XYLT1: variants seen among roughly 807,000 people sequenced by gnomAD.
The protein encoded by XYLT1 is xylosyltransferase 1.
XYLT1 carries 36 observed loss-of-function variants against 91.3 expected under a neutral mutation model. The observed-to-expected ratio is 0.39, with a 90% CI of 0.30 to 0.52. XYLT1 has a LOEUF of 0.52. Ranked by LOEUF, XYLT1 falls within the 20% of genes least tolerant of loss-of-function variation. The pLI, the probability that XYLT1 is intolerant of heterozygous loss-of-function variation, is 0.68. For missense variants in XYLT1, 1,242 were observed against 1,284.5 expected (o/e 0.97, Z 0.51); for synonymous variants, 588 against 532.0 (o/e 1.11, Z -1.45).
chr16:17,294,704 A>ATCTG (rs1240404319), intron 2 of XYLT1, among the ~76,000 whole-genome samples: 1 of 152,124 alleles, frequency 6.6e-6, no homozygotes. Flanking sequence ...CCACCTAGGA[A>ATCTG]TCTGCAAGGG....
At chr16:17,297,746 G>A (rs1205374433) in intron 2 of XYLT1, among the ~76,000 whole-genome samples, 5 of 152,126 alleles carry the variant, frequency 3.3e-5, no homozygotes. Flanking sequence ...AAAAGGCCGG[G>A]CGCGGTGGCT....
intron 2 of XYLT1, among the ~76,000 whole-genome samples, chr16:17,342,183 C>T (rs924116356): frequency 6.6e-6 from 1 of 152,248 alleles, no homozygotes; most frequent in African/African-American, 2.4e-5. Flanking sequence ...ACACCAGGCT[C>T]TGCTGGCAAC....
intron 1 of XYLT1, among the ~76,000 whole-genome samples, chr16:17,428,718 G>A (rs540555858): frequency 1.3e-5 from 2 of 152,296 alleles, no homozygotes; most frequent in South Asian, 2.1e-4. Flanking sequence ...GCTTTCGGCC[G>A]TGTGGTAGTT....
In XYLT1 at chr16:17,454,881, G is replaced by A. The variant is rs561272156; in HGVS notation, c.363+15553C>T. ...TTTGAATTTCATATAATTTTCACGCGTCACAAAATATCATTCTTTCCTCCC... is the reference window on the plus strand; with the variant it reads ...TTTGAATTTCATATAATTTTCACGCATCACAAAATATCATTCTTTCCTCCC... On this transcript the variant is annotated intron_variant, in intron 1 of 11. Coordinates refer to ENST00000261381, the MANE Select transcript of XYLT1 (RefSeq NM_022166.4). Among the ~76,000 whole-genome samples, 70 of 133,996 alleles carry A rather than the reference G, an allele frequency of 5.2e-4. 1 individual carries two copies. Among genetic ancestry groups the A allele is most frequent in the African/African-American group, 2.1e-3 (67 of 32,524 alleles). The allele number at this position is 133,996 out of a possible 152,430, so 87.9% of individuals were successfully genotyped here.
intron 1 of XYLT1, among the ~76,000 whole-genome samples, chr16:17,428,983 A>T (rs1279456781): frequency 6.6e-6 from 1 of 152,090 alleles, no homozygotes; most frequent in Non-Finnish European, 1.5e-5. Context: ...TTCCACAGGG[A>T]CCTGTGGCCT....
At chr16:17,357,979 G>A (rs541242523) in intron 2 of XYLT1, 33 bp downstream of exon 2, 1 of 1,610,922 alleles carries the variant, frequency 6.2e-7, no homozygotes, top group East Asian at 2.2e-5. Context: ...TACTAAGGCT[G>A]AGATAAGTGG....
intron 2 of XYLT1, among the ~76,000 whole-genome samples, chr16:17,353,674 T>G (rs2035251311): frequency 6.6e-6 from 1 of 151,610 alleles, no homozygotes; most frequent in African/African-American, 2.4e-5. Flanking sequence ...TACCCATATA[T>G]CTAAGTACAT....
chr16:17,327,361 CT>C (rs138879762), intron 2 of XYLT1, among the ~76,000 whole-genome samples: 58,917 of 108,048 alleles, frequency 0.55, 14,507 homozygotes, highest in African/African-American at 0.67. Context: ...TTTCTTTTTT[CT>C]TTTTTTTTTT....
At chr16:17,292,769 C>CT (rs2034250536) in intron 2 of XYLT1, among the ~76,000 whole-genome samples, 1 of 152,220 alleles carries the variant, frequency 6.6e-6, no homozygotes, top group Non-Finnish European at 1.5e-5. Context: ...CACACATGGT[C>CT]TTTCAGAAAC....
At chr16:17,123,949 C>T (rs1249429174) in intron 10 of XYLT1, among the ~76,000 whole-genome samples, 1 of 152,146 alleles carries the variant, frequency 6.6e-6, no homozygotes, top group African/African-American at 2.4e-5. Context: ...GTAAGAATTG[C>T]TACTCCTGCT....
At chr16:17,441,540 G>A (rs1483048003) in intron 1 of XYLT1, among the ~76,000 whole-genome samples, 2 of 151,732 alleles carry the variant, frequency 1.3e-5, no homozygotes, top group African/African-American at 2.4e-5. Flanking sequence ...ATTCCCTATC[G>A]CCCTGCACCT....
At chr16:17,457,114 G>A (rs149308679) in intron 1 of XYLT1, among the ~76,000 whole-genome samples, 14 of 152,186 alleles carry the variant, frequency 9.2e-5, no homozygotes, top group Middle Eastern at 3.4e-3. Flanking sequence ...CCAGAATTTC[G>A]AATTTCTTAA....
At chr16:17,393,190 CTG>C (rs1252452283) in intron 1 of XYLT1, among the ~76,000 whole-genome samples, 1 of 152,206 alleles carries the variant, frequency 6.6e-6, no homozygotes, top group Non-Finnish European at 1.5e-5. Context: ...TGATTGAGGC[CTG>C]TGGCAGACAC....
At chr16:17,264,935 T>A (rs1453493044) in intron 2 of XYLT1, among the ~76,000 whole-genome samples, 1 of 152,184 alleles carries the variant, frequency 6.6e-6, no homozygotes, top group Non-Finnish European at 1.5e-5. Flanking sequence ...ACACCTGTAA[T>A]CCCAGCACTT....
At position 17,285,880 on chromosome 16, in the gene XYLT1, G is replaced by C. The variant is rs1399487745; in HGVS notation, c.403-26382C>G. Among the ~76,000 whole-genome samples, 33 of 25,140 alleles carry C rather than the reference G, an allele frequency of 1.3e-3. No individual in the cohort carries two copies. The African/African-American group carries it at 0.026, about 20-fold the overall frequency. 16.5% of individuals were successfully genotyped at this position (25,140 alleles called of 152,430 possible). ...CCCCAAACCTGGTGTATCTCTGTGT[G>C]TGTGTGTGTGTGTGTGTGTGTGTGT... On this transcript the variant is annotated intron_variant, in intron 2 of 11. Transcript: ENST00000261381.
At chr16:17,144,539 AGGAGGGGT>A (rs1296157811) in intron 6 of XYLT1, among the ~76,000 whole-genome samples, 1 of 152,158 alleles carries the variant, frequency 6.6e-6, no homozygotes, top group African/African-American at 2.4e-5. Flanking sequence ...GAGTCAGACT[AGGAGGGGT>A]GCAGGGAGGA....
chr16:17,138,140 T>C lies in XYLT1; in HGVS notation c.1764+215A>G, dbSNP rs558256432. 7.4e-4 allele frequency: 319 copies of C among 433,044 alleles called. 2 individuals are homozygous for C. In the South Asian group the frequency reaches 0.018, roughly 24 times the overall value. 26.8% of individuals were successfully genotyped at this position (433,044 alleles called of 1,614,324 possible). On this transcript the variant is annotated intron_variant, in intron 8 of 11. Transcript: ENST00000261381. ...AATAATAATGAAAGGTCATTTGTTG[T>C]TTTTGGGTTAATGAGTCAATGTGGT... is the stretch of plus-strand genomic sequence containing the variant.
intron 7 of XYLT1, among the ~76,000 whole-genome samples, chr16:17,138,990 G>A (rs909186569): frequency 1.3e-5 from 2 of 152,198 alleles, no homozygotes; most frequent in Non-Finnish European, 2.9e-5. Flanking sequence ...TTCCTGCATC[G>A]CCAGACGGCA....
In XYLT1 at chr16:17,214,542, G is replaced by A. The variant is rs115087631; in HGVS notation, c.914-13888C>T. On this transcript the variant is annotated intron_variant, in intron 3 of 11. Transcript: ENST00000261381. ...GAATCCAAGAGCATAACAAGTGATG[G>A]TGTTTTACGCCACTAAGTTTGGGGG... Among the ~76,000 whole-genome samples, 1,279 of 152,230 alleles carry A rather than the reference G, an allele frequency of 8.4e-3. 11 individuals carry two copies. The highest frequency in any genetic ancestry group is 0.028 in the African/African-American group (1,156 of 41,532).
Sources: gnomAD v4.1 joint callset for allele counts (sites outside exome capture counted in the v4.1 genomes callset) on GRCh38, gnomAD v4.1.1 for gene constraint, MANE v1.5 for transcripts, NCBI Gene and HGNC (gene_info 2026-07-23, HGNC 2026-07-21) for gene names.